Variants in NAV1 observed in about 807,000 individuals in gnomAD.
NAV1 encodes pore membrane and/or filament interacting like protein 3.
Under a neutral mutation model 175.2 loss-of-function variants are expected in NAV1, and 18 were observed. The ratio of observed to expected loss-of-function variants is 0.10; its 90% CI spans 0.07 to 0.15. NAV1 has a LOEUF of 0.15. NAV1 is among the 10% of genes least tolerant of loss of function. The pLI is 1.00. For missense variants in NAV1, 1,731 were observed against 2,436.6 expected (o/e 0.71, Z 6.10); for synonymous variants, 897 against 978.7 (o/e 0.92, Z 1.56).
chr1:201,732,945 C>T (rs1209075360), intron 3 of NAV1, among the ~76,000 whole-genome samples: 2 of 152,022 alleles, frequency 1.3e-5, no homozygotes, highest in African/African-American at 4.8e-5. Flanking sequence ...GTGGCGCGTG[C>T]CTGTAATCCC....
chr1:201,545,297 C>T (rs751649671), intron 1 of NAV1, among the ~76,000 whole-genome samples: 3 of 152,116 alleles, frequency 2.0e-5, no homozygotes, highest in South Asian at 2.1e-4. Context: ...TCAGACCTGA[C>T]TCAGTCTCTG....
chr1:201,801,908 A>C (rs746056686), intron 15 of NAV1, among the ~76,000 whole-genome samples: 4 of 150,670 alleles, frequency 2.7e-5, no homozygotes, highest in Admixed American at 6.6e-5. Flanking sequence ...GGCCGAGGCA[A>C]GTGGATCACC....
chr1:201,738,456 G>A (rs759163859), intron 3 of NAV1, among the ~76,000 whole-genome samples: 4 of 152,112 alleles, frequency 2.6e-5, no homozygotes, highest in Non-Finnish European at 4.4e-5. Flanking sequence ...CAGGTCAGTG[G>A]CATTGGGCAG....
chr1:201,604,398 C>T (rs904888289), intron 2 of NAV1, among the ~76,000 whole-genome samples: 11 of 152,088 alleles, frequency 7.2e-5, no homozygotes, highest in South Asian at 2.1e-4. Context: ...GCTCATGGGC[C>T]GGGTGTACAA....
At chr1:201,814,074 A>G (rs1678868599) in intron 28 of NAV1, among the ~76,000 whole-genome samples, 1 of 151,374 alleles carries the variant, frequency 6.6e-6, no homozygotes, top group African/African-American at 2.5e-5. Context: ...AAAAACAAAC[A>G]AACAAACAAA....
chr1:201,769,924 G>A (rs926608347), intron 3 of NAV1, among the ~76,000 whole-genome samples: 11 of 152,236 alleles, frequency 7.2e-5, no homozygotes, highest in African/African-American at 2.7e-4. Context: ...ATTCTGGACA[G>A]AAGAACAGAT....
In NAV1 at chr1:201,812,109, A is replaced by T; in HGVS notation, c.5024+135A>T. The T allele has an allele frequency of 6.9e-6, 6 of 867,684 alleles. No homozygotes were observed. The highest frequency in any genetic ancestry group is 1.1e-5 in the Non-Finnish European group (6 of 532,582). The allele number at this position is 867,684 out of a possible 1,614,324, so 53.7% of individuals were successfully genotyped here. On this transcript the variant is annotated intron_variant, in intron 26 of 29. Coordinates refer to ENST00000367296, the Ensembl canonical transcript of NAV1. The surrounding 1 kb of genome is among the most constrained non-coding windows in gnomAD (Gnocchi z 4.6). ...TTTTTGGGCTGGAAATAGAAAGTAG[A>T]TGTATTTGTCATGTCAGTTACAAGG... is the stretch of plus-strand genomic sequence containing the variant.
chr1:201,728,943 T>G (rs1672729992), intron 3 of NAV1, among the ~76,000 whole-genome samples: 1 of 152,256 alleles, frequency 6.6e-6, no homozygotes, highest in Non-Finnish European at 1.5e-5. Context: ...GGAGTGCTCC[T>G]TCCTCTAGTG....
intron 28 of NAV1, among the ~76,000 whole-genome samples, chr1:201,816,232 G>T (rs532712152): frequency 6.6e-6 from 1 of 152,094 alleles, no homozygotes. Context: ...TTAGCCGAGC[G>T]TGGTGGCACA....
intron 1 of NAV1, among the ~76,000 whole-genome samples, chr1:201,551,548 T>C (rs548169246): frequency 3.0e-4 from 46 of 152,326 alleles, no homozygotes; most frequent in African/African-American, 8.9e-4. Flanking sequence ...CTTTAATGGC[T>C]CATAGAACTT....
At chr1:201,817,423 G>A (rs1024967048) in intron 29 of NAV1, 138 bp downstream of exon 33, 1 of 719,370 alleles carries the variant, frequency 1.4e-6, no homozygotes. Flanking sequence ...AACCAGCCTG[G>A]GCAACATAAT....
Position 201,635,704 on chromosome 1 carries a change from CT to C in NAV1, c.4+6198del, listed in dbSNP as rs145870460. 6.0e-3 allele frequency among the ~76,000 whole-genome samples: 910 copies of C among 152,290 alleles called. 7 individuals are homozygous for C. The highest frequency in any genetic ancestry group is 0.021 in the African/African-American group (862 of 41,548). ...TGTAGTTTTCCTAGAGAATTACCCC[CT>C]ATACCCAATACCTACCTGTCCTTGA... On this transcript the variant is annotated intron_variant, in intron 2 of 29. Coordinates refer to the NAV1 transcript ENST00000367302.
chr1:201,618,929 C>T (rs1489687327), upstream of NAV1, among the ~76,000 whole-genome samples: 1 of 152,138 alleles, frequency 6.6e-6, no homozygotes, highest in African/African-American at 2.4e-5. Context: ...CCCTTTCTCA[C>T]CCAGGCTAAA....
intron 1 of NAV1, among the ~76,000 whole-genome samples, chr1:201,554,984 G>C (rs565195990): frequency 4.3e-4 from 65 of 152,088 alleles, no homozygotes; most frequent in African/African-American, 1.5e-3. Flanking sequence ...TCCGATTTCT[G>C]CCTTCACCGC....
Position 201,787,782 on chromosome 1 carries a change from A to C in NAV1, c.2996-686A>C. Reference sequence around the variant, plus strand: ...ATGGGCAAAGGGGTAAGGCATCTGCAGGTTAACGGGATTCAGCTGAACCCA... The same window carrying C: ...ATGGGCAAAGGGGTAAGGCATCTGCCGGTTAACGGGATTCAGCTGAACCCA... On this transcript the variant is annotated intron_variant, in intron 9 of 29. Coordinates refer to ENST00000367296, the Ensembl canonical transcript of NAV1. The surrounding 1 kb of genome is among the most constrained non-coding windows in gnomAD (Gnocchi z 4.3). The C allele has an allele frequency of 4.4e-6, 2 of 451,406 alleles. No individual in the cohort carries two copies. The highest frequency in any genetic ancestry group is 3.1e-5 in the South Asian group (2 of 63,862). 28.0% of individuals were successfully genotyped at this position (451,406 alleles called of 1,614,324 possible).
In NAV1 at chr1:201,808,366, G is replaced by GT. The variant is rs1558189009; in HGVS notation, c.3846-51dup. ...CAACCATGCCTCTCAATATTCTCTA[G>GT]TAACTCTAGTGCTTCTTCATGTAGC... is the stretch of plus-strand genomic sequence containing the variant. On this transcript the variant is annotated intron_variant, in intron 18 of 29. Coordinates refer to ENST00000367296, the Ensembl canonical transcript of NAV1. This position sits in a 1 kb window ranked among gnomAD's most constrained non-coding sequence, Gnocchi z 5.5. The GT allele has an allele frequency of 7.1e-6, 11 of 1,554,070 alleles. No individual in the cohort carries two copies. Among genetic ancestry groups the GT allele is most frequent in the Non-Finnish European group, 8.7e-6 (10 of 1,150,032 alleles).
At chr1:201,574,937 C>G (rs1236846992) in intron 1 of NAV1, among the ~76,000 whole-genome samples, 2 of 152,202 alleles carry the variant, frequency 1.3e-5, no homozygotes, top group African/African-American at 4.8e-5. Flanking sequence ...GGAAGACAGA[C>G]AGTGCCAGAG....
intron 1 of NAV1, among the ~76,000 whole-genome samples, chr1:201,573,689 A>G (rs1438458470): frequency 6.6e-6 from 1 of 152,144 alleles, no homozygotes; most frequent in Admixed American, 6.5e-5. Flanking sequence ...AAATATATAA[A>G]ATGGTGCCAG....
In NAV1 at chr1:201,803,855, G is replaced by T. The variant is rs1678101965; in HGVS notation, c.3639+141G>T. On this transcript the variant is annotated intron_variant, in intron 16 of 29. Transcript: ENST00000367296. ...AGCCCTAGTGTGATGTCCGCTCAGA[G>T]CATGGTCTCCCAGATTCTCCCTTCC... The T allele has an allele frequency of 2.6e-6, 3 of 1,135,922 alleles. No individual in the cohort carries two copies. In the South Asian group the frequency reaches 4.4e-5, roughly 17 times the overall value. The allele number at this position is 1,135,922 out of a possible 1,614,324, so 70.4% of individuals were successfully genotyped here. A position where few individuals can be genotyped will look rare whatever the true frequency, so the allele number is the denominator to read the frequency against.
Sources: allele counts gnomAD v4.1 joint callset (sites outside exome capture counted in the v4.1 genomes callset), GRCh38; gene constraint gnomAD v4.1.1; non-coding constraint Gnocchi (gnomAD v3.1); transcripts MANE v1.5; gene names NCBI Gene and HGNC (gene_info 2026-07-23, HGNC 2026-07-21).